SHISA9: variants seen among roughly 807,000 people sequenced by gnomAD.
SHISA9 encodes the protein shisa family member 9.
Under a neutral mutation model 38.0 loss-of-function variants are expected in SHISA9, and 13 were observed. That is an observed-to-expected ratio of 0.34 (90% CI 0.22 to 0.54). SHISA9 has a LOEUF of 0.54. SHISA9 is among the 20% of genes least tolerant of loss of function. The pLI, the probability that SHISA9 is intolerant of heterozygous loss-of-function variation, is 0.91. For synonymous variants in SHISA9, 275 were observed against 242.0 expected, an observed-to-expected ratio of 1.14 and a Z score of -1.27; for missense variants, 538 against 575.8, an observed-to-expected ratio of 0.93 and a Z score of 0.67.
intron 4 of SHISA9, among the ~76,000 whole-genome samples, chr16:13,224,206 C>T (rs1248526347): frequency 6.6e-6 from 1 of 152,206 alleles, no homozygotes; most frequent in Non-Finnish European, 1.5e-5. Context: ...GTCCCTGTCT[C>T]TACTCAGACT....
chr16:13,162,897 G>C (rs377349893), intron 2 of SHISA9, among the ~76,000 whole-genome samples: 40 of 151,966 alleles, frequency 2.6e-4, no homozygotes, highest in African/African-American at 9.2e-4. Flanking sequence ...TCACCTTGGA[G>C]CCGTTATCCT....
chr16:13,379,370 A>C, the SHISA9 span, among the ~76,000 whole-genome samples: 1 of 152,142 alleles, frequency 6.6e-6, no homozygotes. Context: ...CATCATACTG[A>C]CTTTTGGAGG....
the SHISA9 span, among the ~76,000 whole-genome samples, chr16:13,314,519 C>T: frequency 6.6e-6 from 1 of 152,238 alleles, no homozygotes; most frequent in South Asian, 2.1e-4. Flanking sequence ...GGATTACAGT[C>T]ATGAACCACC....
At chr16:13,387,558 C>G in the SHISA9 span, among the ~76,000 whole-genome samples, 1 of 151,880 alleles carries the variant, frequency 6.6e-6, no homozygotes, top group East Asian at 1.9e-4. Flanking sequence ...GGTGCCATCT[C>G]AGCTCACTGC....
At chr16:13,059,215 C>G (rs1013116262) in intron 2 of SHISA9, among the ~76,000 whole-genome samples, 1 of 150,064 alleles carries the variant, frequency 6.7e-6, no homozygotes, top group African/African-American at 2.5e-5. Context: ...GCAAGCTCCC[C>G]CTCCCGGGTT....
At chr16:13,332,557 T>C in the SHISA9 span, 4 of 152,146 alleles carry the variant, frequency 2.6e-5, no homozygotes, top group African/African-American at 9.7e-5. Context: ...AAGCTTCAAA[T>C]TGGATTTAAA....
At chr16:13,019,968 T>TTTCCTTCCTTCCTTCCTTCCTTCCTTCC (rs750335000) in intron 2 of SHISA9, among the ~76,000 whole-genome samples, 18 of 43,226 alleles carry the variant, frequency 4.2e-4, no homozygotes, top group East Asian at 2.0e-3. Context: ...TCCCTCCTTC[T>TTTCCTTCCTTCCTTCCTTCCTTCCTTCC]TTCCTTCCTT....
the SHISA9 span, among the ~76,000 whole-genome samples, chr16:13,319,420 T>C: frequency 6.6e-6 from 1 of 152,216 alleles, no homozygotes; most frequent in Non-Finnish European, 1.5e-5. Context: ...CAAACAAATA[T>C]ATTAGTCGTC....
the SHISA9 span, among the ~76,000 whole-genome samples, chr16:13,416,526 A>T: frequency 3.3e-5 from 5 of 152,256 alleles, no homozygotes; most frequent in South Asian, 1.0e-3. Context: ...TCACAAGTTT[A>T]TTCCTGTGGA....
At chr16:13,016,988 T>TTTC (rs751680393) in intron 2 of SHISA9, among the ~76,000 whole-genome samples, 1 of 151,960 alleles carries the variant, frequency 6.6e-6, no homozygotes, top group Non-Finnish European at 1.5e-5. Context: ...CTCGGGTACC[T>TTTC]TTCTTCTTCT....
chr16:13,010,811 G>A (rs2141852008), intron 2 of SHISA9, among the ~76,000 whole-genome samples: 1 of 152,260 alleles, frequency 6.6e-6, no homozygotes, highest in African/African-American at 2.4e-5. Context: ...AATCAGCCGG[G>A]CATGGTGGTG....
rs57837915 is a variant in SHISA9 at position 12,905,595 on chromosome 16, AT to A, written c.563+2982del. On this transcript the variant is annotated intron_variant, in intron 1 of 4. Coordinates refer to ENST00000558583, the MANE Select transcript of SHISA9 (RefSeq NM_001145204.3). ...ACTGTGAATCTCTTATTTTATTTGC[AT>A]TTTTTTTTTTTTTGAGGCAGAGTCT... Among the ~76,000 whole-genome samples the A allele has an allele frequency of 6.9e-3, 981 of 141,764 alleles. 8 individuals are homozygous for A. The highest frequency in any genetic ancestry group is 0.021 in the Middle Eastern group (6 of 280). 93.0% of individuals were successfully genotyped at this position (141,764 alleles called of 152,430 possible). A position where few individuals can be genotyped will look rare whatever the true frequency, so the allele number is the denominator to read the frequency against.
the SHISA9 span, among the ~76,000 whole-genome samples, chr16:13,401,491 C>A: frequency 2.0e-5 from 3 of 152,270 alleles, no homozygotes; most frequent in Middle Eastern, 3.4e-3. Flanking sequence ...AAGGCCTAAC[C>A]CCCCAGTGGG....
intron 4 of SHISA9, among the ~76,000 whole-genome samples, chr16:13,215,150 AG>A (rs2051156269): frequency 6.6e-6 from 1 of 152,002 alleles, no homozygotes; most frequent in Non-Finnish European, 1.5e-5. Context: ...CTGAGTGAGG[AG>A]GGGGAGGGAT....
intron 2 of SHISA9, among the ~76,000 whole-genome samples, chr16:13,028,795 C>T (rs1392957): frequency 0.62 from 94,563 of 151,996 alleles, 30,109 homozygotes; most frequent in Middle Eastern, 0.74. Context: ...GGTCATATGA[C>T]CATCCTTGAA....
At chr16:13,520,075 A>G in the SHISA9 span, among the ~76,000 whole-genome samples, 2 of 152,218 alleles carry the variant, frequency 1.3e-5, no homozygotes, top group Non-Finnish European at 2.9e-5. Flanking sequence ...AGCAAGAGCC[A>G]TATCTGCAAG....
At chr16:13,121,861 A>G (rs964134101) in intron 2 of SHISA9, among the ~76,000 whole-genome samples, 3 of 151,314 alleles carry the variant, frequency 2.0e-5, no homozygotes, top group African/African-American at 7.3e-5. Context: ...ACACACACAC[A>G]CACACACACA....
intron 2 of SHISA9, among the ~76,000 whole-genome samples, chr16:13,054,199 G>A (rs955317033): frequency 6.6e-6 from 1 of 152,054 alleles, no homozygotes; most frequent in Non-Finnish European, 1.5e-5. Context: ...TTCAAACACT[G>A]GCCTTAAGCA....
At chr16:13,450,374 A>G in the SHISA9 span, among the ~76,000 whole-genome samples, 1 of 152,204 alleles carries the variant, frequency 6.6e-6, no homozygotes, top group Non-Finnish European at 1.5e-5. Context: ...CTCTTAGCCA[A>G]ACTGGTCTCC....
Sources: allele counts gnomAD v4.1 joint callset (sites outside exome capture counted in the v4.1 genomes callset), GRCh38; gene constraint gnomAD v4.1.1; transcripts MANE v1.5; gene names NCBI Gene and HGNC (gene_info 2026-07-23, HGNC 2026-07-21).